SUFU: variants seen among roughly 807,000 people sequenced by gnomAD.
The protein encoded by SUFU is SUFU negative regulator of hedgehog signaling.
SUFU carries 7 observed loss-of-function variants against 58.9 expected under a neutral mutation model. That is an observed-to-expected ratio of 0.12 (90% CI 0.07 to 0.22). SUFU has a LOEUF of 0.22. Among genes scored for constraint, SUFU ranks in the 10% least tolerant of loss-of-function variants. The pLI, the probability that SUFU is intolerant of heterozygous loss-of-function variation, is 1.00. For synonymous variants in SUFU, 232 were observed against 254.8 expected (o/e 0.91, Z 0.85); for missense variants, 451 against 641.3 (o/e 0.70, Z 3.20).
chr10:102,514,518 TC>T (rs768769496), intron 2 of SUFU, among the ~76,000 whole-genome samples: 3 of 152,204 alleles, frequency 2.0e-5, no homozygotes, highest in Non-Finnish European at 4.4e-5. Context: ...TGGAACAAGT[TC>T]CAGGTCTGGG....
intron 10 of SUFU, among the ~76,000 whole-genome samples, chr10:102,624,524 A>C (rs1282103748): frequency 6.6e-6 from 1 of 152,144 alleles, no homozygotes. Context: ...TTTCCCCTTT[A>C]ATTCTTTTAA....
In SUFU at chr10:102,597,173, T is replaced by A; in HGVS notation, c.790T>A (p.Ser264Thr). Residue 264 changes from serine to threonine, a missense_variant, in exon 7 of 12, where the codon TCC (serine) becomes ACC (threonine). Physicochemically the swap from Ser to Thr is moderately conservative, Grantham distance 58. Transcript: ENST00000369902. ...RVDKGIETDGSNLSGVSAKCA... is the reference protein window; with the variant it reads ...RVDKGIETDGTNLSGVSAKCA... ...TGACAAAGGCATCGAGACAGATGGC[T>A]CCAACCTGAGTGGTGTCAGTGCCAA... 1 of 1,614,004 alleles carries A rather than the reference T, an allele frequency of 6.2e-7. No individual in the cohort carries two copies. The highest frequency in any genetic ancestry group is 8.5e-7 in the Non-Finnish European group (1 of 1,179,984).
At chr10:102,557,242 A>G (rs2062991220) in intron 3 of SUFU, among the ~76,000 whole-genome samples, 1 of 151,578 alleles carries the variant, frequency 6.6e-6, no homozygotes, top group Non-Finnish European at 1.5e-5. Context: ...AAAAAAAAAA[A>G]AAAGAAAAAG....
At chr10:102,626,069 A>T (rs1430014811) in intron 10 of SUFU, among the ~76,000 whole-genome samples, 1 of 151,884 alleles carries the variant, frequency 6.6e-6, no homozygotes, top group Non-Finnish European at 1.5e-5. Flanking sequence ...GGTGTACGGG[A>T]GAAGACAGGT....
intron 3 of SUFU, among the ~76,000 whole-genome samples, chr10:102,577,705 T>G (rs10883742): frequency 1 from 146,639 of 146,890 alleles, 73,195 homozygotes; most frequent in Middle Eastern, 1. Context: ...TTTTGAGACG[T>G]AGTCTCGCTC....
chr10:102,568,935 T>TACAC lies in SUFU; in HGVS notation c.454+18830_454+18831insCACA, dbSNP rs1190947068. ...ATATATATATACACATATATATATATATATATATATATATATATATATATA... is the reference window on the plus strand; with the variant it reads ...ATATATATATACACATATATATATATACACATATATATATATATATATATATATA... On this transcript the variant is annotated intron_variant, in intron 3 of 11. Transcript: ENST00000369902. Among the ~76,000 whole-genome samples the TACAC allele has an allele frequency of 7.7e-3, 267 of 34,770 alleles. 2 individuals carry two copies. The highest frequency in any genetic ancestry group is 0.048 in the Middle Eastern group (2 of 42). 22.8% of individuals were successfully genotyped at this position (34,770 alleles called of 152,430 possible).
In SUFU at chr10:102,617,378, G is replaced by C; in HGVS notation, c.1246G>C (p.Ala416Pro). 6.2e-7 allele frequency: 1 copy of C among 1,614,240 alleles called. No homozygotes were observed. The highest frequency in any genetic ancestry group is 8.5e-7 in the Non-Finnish European group (1 of 1,180,048). Reference protein sequence around the residue: ...ITFVSTGVEGAFATEEHPYAA... With the variant: ...ITFVSTGVEGPFATEEHPYAA... ...GTTTGTCTCCACGGGAGTGGAAGGC[G>C]CCTTTGCCACTGAGGAGCATCCTTA... is the stretch of plus-strand genomic sequence containing the variant. Residue 416 changes from alanine (A) to proline (P), a missense_variant, in exon 10 of 12, where the codon GCC (alanine) becomes CCC (proline). Coordinates refer to ENST00000369902, the MANE Select transcript of SUFU (RefSeq NM_016169.4). The surrounding 1 kb of genome is among the most constrained non-coding windows in gnomAD (Gnocchi z 4.4).
At chr10:102,540,787 C>CA (rs2062790025) in intron 2 of SUFU, among the ~76,000 whole-genome samples, 1 of 151,658 alleles carries the variant, frequency 6.6e-6, no homozygotes, top group Non-Finnish European at 1.5e-5. Context: ...TCTGGGAGGC[C>CA]AAGGTGGGTG....
chr10:102,549,846 A>T, intron 2 of SUFU, 124 bp from the exon 3 acceptor site: 1 of 1,258,726 alleles, frequency 7.9e-7, no homozygotes, highest in Non-Finnish European at 1.1e-6. Context: ...ATCCTGGGAT[A>T]CTCCTCTGAA....
rs780117353 is a variant in SUFU at position 102,627,180 on chromosome 10, G to A, written c.1302G>A (p.Leu434=). 1 of 1,614,228 alleles carries A rather than the reference G, an allele frequency of 6.2e-7. No homozygotes were observed. Among genetic ancestry groups the A allele is most frequent in the Non-Finnish European group, 8.5e-7 (1 of 1,180,042 alleles). The change falls in exon 11 of 12, where the codon CTG becomes CTA. Residue 434 remains leucine (L), a synonymous_variant. Coordinates refer to ENST00000369902, the MANE Select transcript of SUFU (RefSeq NM_016169.4). The stretch of plus-strand genomic sequence containing the variant: ...CCTGCCTTGTGCCTTCACAGATTCT[G>A]TTGACCGAAGAGTTTGTAGAGAAAA... The part of the protein sequence containing the change: ...YAAHGPWLQI[L]LTEEFVEKML...
At chr10:102,553,754 C>T (rs747001845) in intron 3 of SUFU, among the ~76,000 whole-genome samples, 3 of 150,654 alleles carry the variant, frequency 2.0e-5, no homozygotes, top group Non-Finnish European at 3.0e-5. Flanking sequence ...TGAGCCACCG[C>T]GCCCGGCCAC....
At chr10:102,606,261 G>A (rs1418616418) in intron 8 of SUFU, among the ~76,000 whole-genome samples, 2 of 152,214 alleles carry the variant, frequency 1.3e-5, no homozygotes, top group Non-Finnish European at 2.9e-5. Context: ...TATAGAATGT[G>A]TTATATAGAC....
chr10:102,570,202 T>C (rs577070157), intron 3 of SUFU, among the ~76,000 whole-genome samples: 1 of 151,438 alleles, frequency 6.6e-6, no homozygotes, highest in African/African-American at 2.4e-5. Context: ...AGTTGGTGAT[T>C]TGGGAATCTA....
chr10:102,573,526 T>C (rs1355010018), intron 3 of SUFU, among the ~76,000 whole-genome samples: 1 of 152,222 alleles, frequency 6.6e-6, no homozygotes, highest in Non-Finnish European at 1.5e-5. Flanking sequence ...TGAACAGATA[T>C]TTGTGCACCA....
chr10:102,557,230 T>TA (rs1478018952), intron 3 of SUFU, among the ~76,000 whole-genome samples: 1,278 of 120,950 alleles, frequency 0.011, 11 homozygotes, highest in African/African-American at 0.03. Context: ...ACCCTGCCTC[T>TA]AAAAAAAAAA....
chr10:102,618,198 C>T (rs1464932942), intron 10 of SUFU: 1 of 152,586 alleles, frequency 6.6e-6, no homozygotes, highest in Non-Finnish European at 1.5e-5. Context: ...GGATTGAACC[C>T]TTAACCTCAC....
chr10:102,524,971 A>G (rs890343357), intron 2 of SUFU, among the ~76,000 whole-genome samples: 31 of 152,386 alleles, frequency 2.0e-4, no homozygotes, highest in African/African-American at 7.2e-4. Context: ...ATTCAAGAGC[A>G]CTTCTTCAGT....
intron 2 of SUFU, among the ~76,000 whole-genome samples, chr10:102,535,469 C>T (rs1373022310): frequency 7.1e-6 from 1 of 141,350 alleles, no homozygotes; most frequent in Non-Finnish European, 1.5e-5. Context: ...CTGGTGACAG[C>T]GTGAGACTCC....
chr10:102,594,035 G>A lies in SUFU; in HGVS notation c.726G>A (p.Glu242=), dbSNP rs1166474720. 9.3e-6 allele frequency: 15 copies of A among 1,613,606 alleles called. No homozygotes were observed. The highest frequency in any genetic ancestry group is 1.3e-5 in the Non-Finnish European group (15 of 1,179,916). ...TGATAACTGACATGCGGAGGGGAGA[G>A]ACCATATTTGAGATCGATCCACACC... ...PWLITDMRRG[E]TIFEIDPHLQ... The change falls in exon 6 of 12, where the codon GAG becomes GAA. Residue 242 remains glutamate (E), a synonymous_variant. Coordinates refer to ENST00000369902, the MANE Select transcript of SUFU (RefSeq NM_016169.4).
Sources: allele counts gnomAD v4.1 joint callset (sites outside exome capture counted in the v4.1 genomes callset), GRCh38; gene constraint gnomAD v4.1.1; non-coding constraint Gnocchi (gnomAD v3.1); transcripts MANE v1.5; gene names NCBI Gene and HGNC (gene_info 2026-07-23, HGNC 2026-07-21).